The following LRPPRC variants were observed in gnomAD, a reference collection of about 807,000 sequenced individuals.
LRPPRC encodes leucine rich pentatricopeptide repeat containing.
Under a neutral mutation model 180.3 loss-of-function variants are expected in LRPPRC, and 120 were observed. The ratio of observed to expected loss-of-function variants is 0.67; its 90% CI spans 0.57 to 0.77. LRPPRC has a LOEUF of 0.77. LRPPRC is among the 30% of genes least tolerant of loss of function. The pLI, the probability that LRPPRC is intolerant of heterozygous loss-of-function variation, is 0.00. For synonymous variants in LRPPRC, 723 were observed against 600.0 expected, an observed-to-expected ratio of 1.21 and a Z score of -3.00; for missense variants, 2,012 against 1,657.2, an observed-to-expected ratio of 1.21 and a Z score of -3.72.
chr2:43,915,930 T>C (rs1057214187), intron 29 of LRPPRC, among the ~76,000 whole-genome samples: 35 of 152,228 alleles, frequency 2.3e-4, no homozygotes, highest in African/African-American at 7.5e-4. Flanking sequence ...CAAGCCAGGC[T>C]AATTTGTGTA....
intron 36 of LRPPRC, among the ~76,000 whole-genome samples, chr2:43,890,529 T>C (rs973917476): frequency 6.6e-6 from 1 of 152,078 alleles, no homozygotes; most frequent in African/African-American, 2.4e-5. Flanking sequence ...CTGGCTAACA[T>C]GGTGAAACCC....
intron 32 of LRPPRC, among the ~76,000 whole-genome samples, chr2:43,901,031 A>T (rs952222710): frequency 6.6e-6 from 1 of 152,232 alleles, no homozygotes; most frequent in Non-Finnish European, 1.5e-5. Context: ...ACTTCTGAAC[A>T]AAGTGTTTCG....
intron 1 of LRPPRC, among the ~76,000 whole-genome samples, chr2:43,993,696 C>A (rs1674888498): frequency 6.8e-6 from 1 of 146,936 alleles, no homozygotes; most frequent in African/African-American, 2.5e-5. Context: ...CAGTGGTGAA[C>A]AAGACAAAGT....
At chr2:43,990,238 C>T (rs1208571323) in intron 1 of LRPPRC, among the ~76,000 whole-genome samples, 1 of 151,840 alleles carries the variant, frequency 6.6e-6, no homozygotes, top group African/African-American at 2.4e-5. Flanking sequence ...AGAAAGTAAT[C>T]AGCATCTATT....
chr2:43,913,310 G>T (rs1243554230), intron 29 of LRPPRC, among the ~76,000 whole-genome samples: 3 of 152,126 alleles, frequency 2.0e-5, no homozygotes, highest in African/African-American at 7.2e-5. Flanking sequence ...ACAGCCAACT[G>T]AAACTACAAT....
intron 23 of LRPPRC, among the ~76,000 whole-genome samples, chr2:43,935,506 T>C (rs963475095): frequency 1.3e-5 from 2 of 152,212 alleles, no homozygotes; most frequent in African/African-American, 4.8e-5. Context: ...GAATTCTAAA[T>C]ACTTTTTTCA....
At chr2:43,944,159 C>A (rs898443506) in intron 22 of LRPPRC, among the ~76,000 whole-genome samples, 1 of 151,990 alleles carries the variant, frequency 6.6e-6, no homozygotes, top group African/African-American at 2.4e-5. Context: ...TATGGTCTGC[C>A]CTATAGCTGT....
intron 35 of LRPPRC, among the ~76,000 whole-genome samples, chr2:43,895,649 C>T (rs1222502220): frequency 9.9e-5 from 15 of 152,092 alleles, no homozygotes; most frequent in Admixed American, 9.2e-4. Context: ...TGCAATGAAG[C>T]AAATTTTTTA....
Position 43,982,453 on chromosome 2 carries a change from TTAA to T in LRPPRC, c.150-22_150-20del, listed in dbSNP as rs1356374950. ...TAGTCCTCTAAAAAATGAAACATAA[TTAA>T]TAATAATCAGTTGCTATCTATTTAG... On this transcript the variant is annotated intron_variant, in intron 1 of 37. Transcript: ENST00000260665. 1 of 1,572,222 alleles carries T rather than the reference TTAA, an allele frequency of 6.4e-7. No homozygotes were observed. Among genetic ancestry groups the T allele is most frequent in the East Asian group, 2.2e-5 (1 of 44,674 alleles).
At chr2:43,914,520 G>C (rs1204250579) in intron 29 of LRPPRC, among the ~76,000 whole-genome samples, 1 of 151,702 alleles carries the variant, frequency 6.6e-6, no homozygotes, top group East Asian at 2.0e-4. Context: ...TTGAGGTTGG[G>C]AGTTCGACAC....
intron 34 of LRPPRC, 130 bp downstream of exon 34, chr2:43,899,089 G>A (rs1444350405): frequency 5.6e-6 from 4 of 715,314 alleles, no homozygotes; most frequent in Non-Finnish European, 1.0e-5. Flanking sequence ...GATTCACACT[G>A]AATGTAAACA....
chr2:43,962,037 C>T (rs1172465896), intron 12 of LRPPRC, among the ~76,000 whole-genome samples: 3 of 152,128 alleles, frequency 2.0e-5, no homozygotes, highest in African/African-American at 7.2e-5. Context: ...TTTTCAATCC[C>T]AAAACACTCA....
chr2:43,959,231 T>C, intron 13 of LRPPRC: 4 of 715,174 alleles, frequency 5.6e-6, no homozygotes, highest in South Asian at 1.5e-5. Context: ...CTATATAGTA[T>C]ACAGAGTGGA....
intron 23 of LRPPRC, among the ~76,000 whole-genome samples, chr2:43,937,525 T>G (rs1318484289): frequency 6.6e-6 from 1 of 152,172 alleles, no homozygotes; most frequent in African/African-American, 2.4e-5. Context: ...AAAAATATGT[T>G]TAAAAGCACC....
At chr2:43,986,113 G>A (rs1674516705) in intron 1 of LRPPRC, among the ~76,000 whole-genome samples, 1 of 152,008 alleles carries the variant, frequency 6.6e-6, no homozygotes, top group Non-Finnish European at 1.5e-5. Flanking sequence ...CTTTTCTGGT[G>A]AAGTATTTTC....
At chr2:43,900,620 A>G (rs1035154596) in intron 32 of LRPPRC, among the ~76,000 whole-genome samples, 1 of 152,152 alleles carries the variant, frequency 6.6e-6, no homozygotes, top group African/African-American at 2.4e-5. Flanking sequence ...AACAAAACAC[A>G]ACTGTTTCTC....
intron 11 of LRPPRC, among the ~76,000 whole-genome samples, chr2:43,967,105 A>C (rs909359170): frequency 6.6e-6 from 1 of 152,064 alleles, no homozygotes; most frequent in African/African-American, 2.4e-5. Context: ...ATGTGTACAC[A>C]TATCAAAATG....
rs749207132 is a variant in LRPPRC, at chr2:43,975,099, C to A, written c.856G>T (p.Val286Phe). Reference protein sequence around the residue: ...AYAEKGDIDHVKQTLEKVEKS... With the variant: ...AYAEKGDIDHFKQTLEKVEKS... Reference sequence around the variant, plus strand: ...TTAGACATAAGTCATACCTGCTTAACATGGTCAATGTCGCCCTTCTCAGCA... The same window carrying A: ...TTAGACATAAGTCATACCTGCTTAAAATGGTCAATGTCGCCCTTCTCAGCA... The change falls in exon 7 of 38, where the codon GTT becomes TTT. Residue 286 changes from valine to phenylalanine, a missense_variant. Val to Phe is a conservative substitution (Grantham distance 50). Coordinates refer to ENST00000260665, the MANE Select transcript of LRPPRC (RefSeq NM_133259.4). 1.9e-6 allele frequency: 3 copies of A among 1,612,894 alleles called. No homozygotes were observed. Among genetic ancestry groups the A allele is most frequent in the Non-Finnish European group, 2.5e-6 (3 of 1,179,820 alleles).
chr2:43,935,963 A>G (rs1043943628), intron 23 of LRPPRC, among the ~76,000 whole-genome samples: 2 of 152,146 alleles, frequency 1.3e-5, no homozygotes, highest in Non-Finnish European at 2.9e-5. Flanking sequence ...CATGCCTGTA[A>G]TCCCAGCTAC....
Sources: allele counts gnomAD v4.1 joint callset (sites outside exome capture counted in the v4.1 genomes callset), GRCh38; gene constraint gnomAD v4.1.1; transcripts MANE v1.5; gene names NCBI Gene and HGNC (gene_info 2026-07-23, HGNC 2026-07-21).